ANKRD55: variants seen among roughly 807,000 people sequenced by gnomAD.
ANKRD55 encodes the protein ankyrin repeat domain-containing protein 55.
In ANKRD55, 41 loss-of-function variants were observed where a neutral mutation model predicts 60.6. The observed-to-expected ratio is 0.68, with a 90% confidence interval of 0.53 to 0.88. The LOEUF is 0.88. Among genes scored for constraint, ANKRD55 ranks in the 40% least tolerant of loss-of-function variants. ANKRD55 has a pLI of 0.00. For missense variants in ANKRD55, 732 were observed against 767.6 expected (o/e 0.95, Z 0.55); for synonymous variants, 264 against 290.3 (o/e 0.91, Z 0.92).
chr5:56,135,454 C>G (rs1199053865), intron 7 of ANKRD55, among the ~76,000 whole-genome samples: 1 of 151,672 alleles, frequency 6.6e-6, no homozygotes, highest in Non-Finnish European at 1.5e-5. Context: ...ACTGTGACCT[C>G]CGCCTCCCAG....
At chr5:56,148,205 A>C (rs1169261740) in intron 6 of ANKRD55, among the ~76,000 whole-genome samples, 1 of 152,220 alleles carries the variant, frequency 6.6e-6, no homozygotes, top group Non-Finnish European at 1.5e-5. Flanking sequence ...TAAGACAGCC[A>C]TCTGTGTCCA....
intron 4 of ANKRD55, 132 bp from the exon 5 acceptor site, chr5:56,170,935 A>T: frequency 1.3e-6 from 1 of 755,528 alleles, no homozygotes; most frequent in Non-Finnish European, 2.1e-6. Flanking sequence ...GAAGTGGTTA[A>T]GAACCACAAC....
At chr5:56,139,612 T>C (rs1465921994) in intron 7 of ANKRD55, among the ~76,000 whole-genome samples, 1 of 152,172 alleles carries the variant, frequency 6.6e-6, no homozygotes, top group Non-Finnish European at 1.5e-5. Flanking sequence ...TTATGATGTA[T>C]TGTGAGGATT....
At chr5:56,133,054 T>C (rs1757466480) in intron 7 of ANKRD55, among the ~76,000 whole-genome samples, 1 of 151,774 alleles carries the variant, frequency 6.6e-6, no homozygotes, top group Non-Finnish European at 1.5e-5. Flanking sequence ...AACAGATGAG[T>C]CCGCTTTATA....
intron 9 of ANKRD55, among the ~76,000 whole-genome samples, chr5:56,114,740 A>G (rs1409868792): frequency 6.6e-6 from 1 of 152,240 alleles, no homozygotes; most frequent in Non-Finnish European, 1.5e-5. Flanking sequence ...CCACATTGCA[A>G]TTAACCTTTA....
At chr5:56,166,158 T>TTTCTTTCTTTCTTCTTTCCTTCC (rs1554040812) in intron 5 of ANKRD55, among the ~76,000 whole-genome samples, 66 of 72,214 alleles carry the variant, frequency 9.1e-4, no homozygotes, top group East Asian at 2.4e-3. Flanking sequence ...TTCTTTCTTC[T>TTTCTTTCTTTCTTCTTTCCTTCC]TTCCTTCCTT....
chr5:56,119,787 C>T (rs1214736445), intron 8 of ANKRD55, among the ~76,000 whole-genome samples: 2 of 151,872 alleles, frequency 1.3e-5, no homozygotes, highest in Non-Finnish European at 2.9e-5. Flanking sequence ...GTGATGGGTA[C>T]GTGCCTGTAG....
chr5:56,106,432 T>A (rs1425045909), intron 10 of ANKRD55, among the ~76,000 whole-genome samples: 1 of 143,444 alleles, frequency 7.0e-6, no homozygotes, highest in Non-Finnish European at 1.5e-5. Context: ...TTTTTTTTTT[T>A]TTTTTTTTTT....
intron 7 of ANKRD55, among the ~76,000 whole-genome samples, chr5:56,140,927 G>A (rs1265402260): frequency 2.0e-5 from 3 of 152,026 alleles, no homozygotes; most frequent in African/African-American, 7.3e-5. Context: ...GGCAGTCGTG[G>A]TGGTGTGTGC....
Position 56,111,104 on chromosome 5 carries a change from A to T in ANKRD55, c.1630+14T>A. 1 of 1,605,992 alleles carries T rather than the reference A, an allele frequency of 6.2e-7. No homozygotes were observed. Among genetic ancestry groups the T allele is most frequent in the Non-Finnish European group, 8.5e-7 (1 of 1,175,302 alleles). ...AGAGCCTGCTGAGAATGAACATGAA[A>T]TCAAGGACATTACCTGATGATGGAT... On this transcript the variant is annotated intron_variant, in intron 10 of 11. Transcript: ENST00000341048.
rs1287887737 is a variant in ANKRD55 at position 56,102,494 on chromosome 5, A to G, written c.1723T>C (p.Phe575Leu). 4.4e-6 allele frequency: 7 copies of G among 1,604,036 alleles called. No homozygotes were observed. The Admixed American group carries it at 1.2e-4, about 27-fold the overall frequency. Residue 575 changes from phenylalanine (F) to leucine (L), a missense_variant and splice_region_variant, in exon 11 of 12, where the codon TTT becomes CTT. By Grantham distance (22) the Phe-to-Leu change is conservative. Coordinates refer to ENST00000341048, the MANE Select transcript of ANKRD55 (RefSeq NM_024669.3). Reference protein sequence around the residue: ...NNLAPLPDQKFLSGEPLRTNR... With the variant: ...NNLAPLPDQKLLSGEPLRTNR... ...GCTGCGGAAGATTCATAATACTTAC[A>G]TTTTTGATCTGGTAGGGGAGCTAGG... is the stretch of plus-strand genomic sequence containing the variant.
rs1238630633 is a variant in ANKRD55, at chr5:56,102,523, T to C, written c.1694A>G (p.Asn565Ser). 11 of 1,613,720 alleles carry C rather than the reference T, an allele frequency of 6.8e-6. No individual in the cohort carries two copies. The highest frequency in any genetic ancestry group is 9.3e-6 in the Non-Finnish European group (11 of 1,179,814). Residue 565 changes from asparagine (N) to serine (S), a missense_variant, in exon 11 of 12, where the codon AAC (asparagine) becomes AGC (serine). Physicochemically the swap from Asn to Ser is conservative, Grantham distance 46. Coordinates refer to ENST00000341048, the MANE Select transcript of ANKRD55 (RefSeq NM_024669.3). Reference protein sequence around the residue: ...HKIRDLPFTRNNLAPLPDQKF... With the variant: ...HKIRDLPFTRSNLAPLPDQKF... ...TTGATCTGGTAGGGGAGCTAGGTTG[T>C]TCCGAGTGAAAGGAAGATCCCTGAT... is the stretch of plus-strand genomic sequence containing the variant.
At position 56,100,081 on chromosome 5, in the gene ANKRD55, A is replaced by G; in HGVS notation, c.*102T>C. On this transcript the variant is annotated 3_prime_UTR_variant, in exon 12 of 12. Transcript: ENST00000341048. Reference sequence around the variant, plus strand: ...ATAAAACTGATGGCTTATAGAATGCAGCTTACTAAATTGGTCTTCGTTCTT... The same window carrying G: ...ATAAAACTGATGGCTTATAGAATGCGGCTTACTAAATTGGTCTTCGTTCTT... The G allele has an allele frequency of 6.8e-7, 1 of 1,481,112 alleles. No individual in the cohort carries two copies. Among genetic ancestry groups the G allele is most frequent in the Non-Finnish European group, 9.3e-7 (1 of 1,069,966 alleles). 91.7% of individuals were successfully genotyped at this position (1,481,112 alleles called of 1,614,324 possible).
chr5:56,105,976 G>C (rs1172586668), intron 10 of ANKRD55, among the ~76,000 whole-genome samples: 2 of 152,210 alleles, frequency 1.3e-5, no homozygotes, highest in African/African-American at 4.8e-5. Context: ...TGCCTGCAAT[G>C]AATTAAGCTG....
chr5:56,111,223 C>G lies in ANKRD55; in HGVS notation c.1525G>C (p.Val509Leu), dbSNP rs1367338309. 3 of 1,614,216 alleles carry G rather than the reference C, an allele frequency of 1.9e-6. No individual in the cohort carries two copies. The highest frequency in any genetic ancestry group is 1.6e-4 in the Middle Eastern group (1 of 6,062). Residue 509 changes from valine (V) to leucine (L), a missense_variant, in exon 10 of 12, where the codon GTG becomes CTG. Transcript: ENST00000341048. ...TCCAGCAGCTTATCAGAAGAAGACA[C>G]AGTCCAAACTTTGTAGGAAAATACC... Reference protein sequence around the residue: ...NQVFSYKVWTVSSSDKLLDRL... With the variant: ...NQVFSYKVWTLSSSDKLLDRL...
intron 3 of ANKRD55, among the ~76,000 whole-genome samples, chr5:56,180,350 T>C (rs1050537637): frequency 7.0e-4 from 106 of 152,370 alleles, no homozygotes; most frequent in African/African-American, 2.3e-3. Flanking sequence ...TTGGGTATAC[T>C]GATTCCTTCC....
At chr5:56,185,516 A>C (rs1758948338) in intron 2 of ANKRD55, among the ~76,000 whole-genome samples, 1 of 151,398 alleles carries the variant, frequency 6.6e-6, no homozygotes, top group African/African-American at 2.4e-5. Flanking sequence ...AAAATACAAA[A>C]AATTAGCTGG....
chr5:56,207,674 G>A (rs377516140), intron 2 of ANKRD55, among the ~76,000 whole-genome samples: 4 of 152,122 alleles, frequency 2.6e-5, no homozygotes, highest in East Asian at 3.8e-4. Flanking sequence ...GCAAAAATAT[G>A]GTATAGACGA....
intron 8 of ANKRD55, among the ~76,000 whole-genome samples, chr5:56,118,067 C>A (rs940439723): frequency 1.3e-5 from 2 of 151,938 alleles, no homozygotes; most frequent in South Asian, 4.2e-4. Flanking sequence ...TGCTTAAACC[C>A]CAGAGGCAGA....
Sources: gnomAD v4.1 joint callset for allele counts (sites outside exome capture counted in the v4.1 genomes callset) on GRCh38, gnomAD v4.1.1 for gene constraint, MANE v1.5 for transcripts, NCBI Gene and HGNC (gene_info 2026-07-23, HGNC 2026-07-21) for gene names.